SH3RF3: variants seen among roughly 807,000 people sequenced by gnomAD.
The protein encoded by SH3RF3 is SH3 domain containing ring finger 3.
Under a neutral mutation model 66.3 loss-of-function variants are expected in SH3RF3, and 29 were observed. That is an observed-to-expected ratio of 0.44 (90% CI 0.33 to 0.60). The LOEUF (loss-of-function observed/expected upper bound fraction) is 0.60, where lower values mean the gene tolerates loss of function less well. Among genes scored for constraint, SH3RF3 ranks in the 20% least tolerant of loss-of-function variants. The pLI is 0.04. For missense variants in SH3RF3, 1,194 were observed against 1,190.9 expected, an observed-to-expected ratio of 1.00 and a Z score of -0.04; for synonymous variants, 583 against 532.0, an observed-to-expected ratio of 1.10 and a Z score of -1.32.
intron 1 of SH3RF3, among the ~76,000 whole-genome samples, chr2:109,151,811 C>T (rs560676370): frequency 2.0e-5 from 3 of 152,360 alleles, no homozygotes; most frequent in African/African-American, 7.2e-5. Context: ...AATAGATTTG[C>T]ATCTGCAAAT....
chr2:109,148,433 C>G (rs1257571174), intron 1 of SH3RF3, among the ~76,000 whole-genome samples: 1 of 152,136 alleles, frequency 6.6e-6, no homozygotes, highest in Non-Finnish European at 1.5e-5. Context: ...CCTTTTTGGA[C>G]AAATTGGTAA....
chr2:109,411,460 A>G (rs1676586869), intron 4 of SH3RF3, among the ~76,000 whole-genome samples: 1 of 152,186 alleles, frequency 6.6e-6, no homozygotes, highest in Non-Finnish European at 1.5e-5. Context: ...TGAGCCTGTC[A>G]GTGGGAGGAC....
chr2:109,498,528 G>A (rs906908920), intron 9 of SH3RF3, among the ~76,000 whole-genome samples: 5 of 152,210 alleles, frequency 3.3e-5, no homozygotes, highest in African/African-American at 7.2e-5. Flanking sequence ...CTGTGAACAC[G>A]TGGGGTGGGG....
intron 6 of SH3RF3, among the ~76,000 whole-genome samples, chr2:109,434,454 G>A (rs1176869801): frequency 2.6e-5 from 4 of 152,190 alleles, no homozygotes; most frequent in South Asian, 2.1e-4. Context: ...GCTTCCTTGC[G>A]TAGCATTGGG....
At chr2:109,141,143 C>G (rs936978209) in intron 1 of SH3RF3, among the ~76,000 whole-genome samples, 2 of 152,178 alleles carry the variant, frequency 1.3e-5, no homozygotes, top group African/African-American at 4.8e-5. Flanking sequence ...AACCACACCC[C>G]CCGGAGCCCA....
At chr2:109,438,955 A>G (rs796148857) in intron 7 of SH3RF3, among the ~76,000 whole-genome samples, 33 of 152,252 alleles carry the variant, frequency 2.2e-4, no homozygotes, top group African/African-American at 7.2e-4. Flanking sequence ...AGCACTAGAA[A>G]GGGTGAGTGG....
chr2:109,315,870 A>G (rs1027557965), intron 1 of SH3RF3, among the ~76,000 whole-genome samples: 4 of 152,206 alleles, frequency 2.6e-5, no homozygotes, highest in Non-Finnish European at 5.9e-5. Context: ...CTAGGCATCA[A>G]AGCCACCAGT....
chr2:109,212,230 G>C (rs1351846901), intron 1 of SH3RF3, among the ~76,000 whole-genome samples: 1 of 152,128 alleles, frequency 6.6e-6, no homozygotes, highest in African/African-American at 2.4e-5. Flanking sequence ...TCCTCTTCTT[G>C]ACTCCTCACT....
chr2:109,307,012 C>T (rs143333642), intron 1 of SH3RF3, among the ~76,000 whole-genome samples: 180 of 152,296 alleles, frequency 1.2e-3, no homozygotes, highest in Admixed American at 3.4e-3. Flanking sequence ...TGAGGGCACA[C>T]ATTATTATGG....
intron 9 of SH3RF3, among the ~76,000 whole-genome samples, chr2:109,501,266 C>G (rs1679377418): frequency 6.6e-6 from 1 of 152,130 alleles, no homozygotes; most frequent in Non-Finnish European, 1.5e-5. Flanking sequence ...AGTCCAGCTT[C>G]TTCGTAGATC....
At chr2:109,242,374 G>A (rs914621595) in intron 1 of SH3RF3, among the ~76,000 whole-genome samples, 1 of 152,180 alleles carries the variant, frequency 6.6e-6, no homozygotes, top group Non-Finnish European at 1.5e-5. Context: ...CTTGTCTCCT[G>A]TCTGTGTCGT....
At chr2:109,461,863 TAATA>T (rs1048281261) in intron 8 of SH3RF3, among the ~76,000 whole-genome samples, 1 of 152,180 alleles carries the variant, frequency 6.6e-6, no homozygotes, top group Non-Finnish European at 1.5e-5. Flanking sequence ...GGGGGTCACT[TAATA>T]AATAGGCCAA....
intron 1 of SH3RF3, among the ~76,000 whole-genome samples, chr2:109,282,869 T>G (rs1332758022): frequency 2.6e-5 from 4 of 151,976 alleles, no homozygotes; most frequent in Non-Finnish European, 5.9e-5. Flanking sequence ...AGAGGAGCTA[T>G]GGATGGGGAG....
intron 1 of SH3RF3, among the ~76,000 whole-genome samples, chr2:109,179,119 A>G (rs1678007909): frequency 6.6e-6 from 1 of 151,910 alleles, no homozygotes; most frequent in Non-Finnish European, 1.5e-5. Flanking sequence ...GTGAAATGTC[A>G]TGGCAGCTGG....
chr2:109,229,344 A>T (rs1679444982), intron 1 of SH3RF3, among the ~76,000 whole-genome samples: 1 of 152,174 alleles, frequency 6.6e-6, no homozygotes, highest in Non-Finnish European at 1.5e-5. Context: ...GGTACTTTTC[A>T]TACATTAACA....
At chr2:109,279,709 CT>C (rs541366407) in intron 1 of SH3RF3, among the ~76,000 whole-genome samples, 138 of 152,176 alleles carry the variant, frequency 9.1e-4, no homozygotes, top group African/African-American at 3.2e-3. Flanking sequence ...CTCTTGCCAG[CT>C]TGCGTTTCTT....
intron 8 of SH3RF3, among the ~76,000 whole-genome samples, chr2:109,458,432 A>G (rs1228775200): frequency 6.6e-6 from 1 of 152,100 alleles, no homozygotes; most frequent in East Asian, 1.9e-4. Flanking sequence ...CTTTAAGGTC[A>G]CCTTACAACT....
At chr2:109,266,109 G>C (rs1028593137) in intron 1 of SH3RF3, among the ~76,000 whole-genome samples, 1 of 151,734 alleles carries the variant, frequency 6.6e-6, no homozygotes, top group African/African-American at 2.4e-5. Context: ...TGTGTGTGTT[G>C]TGTGTATGTG....
intron 1 of SH3RF3, among the ~76,000 whole-genome samples, chr2:109,262,567 G>A (rs1419427532): frequency 3.3e-5 from 5 of 152,140 alleles, no homozygotes; most frequent in Non-Finnish European, 7.4e-5. Flanking sequence ...ATTATTTTAC[G>A]TAATGTTGTT....
Sources: allele counts gnomAD v4.1 joint callset (sites outside exome capture counted in the v4.1 genomes callset), GRCh38; gene constraint gnomAD v4.1.1; transcripts MANE v1.5; gene names NCBI Gene and HGNC (gene_info 2026-07-23, HGNC 2026-07-21).